ITPR2: variants seen among roughly 807,000 people sequenced by gnomAD.
ITPR2 encodes inositol 1,4,5-trisphosphate receptor type 2, also known as inositol 1,4,5-trisphosphate-gated calcium channel ITPR2.
ITPR2 carries 207 observed loss-of-function variants against 317.1 expected under a neutral mutation model. The ratio of observed to expected loss-of-function variants is 0.65; its 90% CI spans 0.58 to 0.73. The LOEUF is 0.73. Ranked by LOEUF, ITPR2 falls within the 30% of genes least tolerant of loss-of-function variation. ITPR2 has a pLI of 0.00. For synonymous variants in ITPR2, 1,156 were observed against 1,149.1 expected (o/e 1.01, Z -0.12); for missense variants, 2,613 against 3,284.0 (o/e 0.80, Z 4.99).
chr12:26,820,549 A>G (rs1023037469), intron 1 of ITPR2, among the ~76,000 whole-genome samples: 2 of 152,194 alleles, frequency 1.3e-5, no homozygotes, highest in African/African-American at 4.8e-5. Flanking sequence ...AACACAGGGT[A>G]AAGCACATAG....
intron 2 of ITPR2, among the ~76,000 whole-genome samples, chr12:26,778,248 C>T (rs1402206520): frequency 6.6e-6 from 1 of 152,174 alleles, no homozygotes; most frequent in African/African-American, 2.4e-5. Flanking sequence ...AAATCAAAAA[C>T]AATATTGCAA....
At chr12:26,629,452 T>C (rs531869672) in intron 22 of ITPR2, among the ~76,000 whole-genome samples, 45 of 152,130 alleles carry the variant, frequency 3.0e-4, no homozygotes, top group African/African-American at 8.9e-4. Flanking sequence ...CCAGGCATGG[T>C]GGTGCGTGCC....
chr12:26,393,551 T>C (rs1410694040), intron 54 of ITPR2, among the ~76,000 whole-genome samples: 1 of 152,228 alleles, frequency 6.6e-6, no homozygotes, highest in Non-Finnish European at 1.5e-5. Context: ...TGAAGCCAAT[T>C]ATTCATTTTT....
chr12:26,689,344 A>C (rs140004816), intron 10 of ITPR2, among the ~76,000 whole-genome samples: 1,534 of 152,248 alleles, frequency 0.01, 11 homozygotes, highest in Non-Finnish European at 0.013. Flanking sequence ...CTGAGCCCGG[A>C]GGTCGAGGCC....
chr12:26,685,384 C>T (rs7308446), intron 11 of ITPR2, among the ~76,000 whole-genome samples: 30,144 of 151,968 alleles, frequency 0.2, 3,782 homozygotes, highest in East Asian at 0.55. Context: ...TCCCTCGAGC[C>T]CAGGAGTTCA....
intron 1 of ITPR2, among the ~76,000 whole-genome samples, chr12:26,802,648 G>GATATACAGATAGAT (rs1950580073): frequency 7.5e-6 from 1 of 132,986 alleles, no homozygotes; most frequent in East Asian, 2.2e-4. Flanking sequence ...GATAGATATA[G>GATATACAGATAGAT]ATAGATATCT....
At chr12:26,451,951 T>C (rs927563295) in intron 45 of ITPR2, among the ~76,000 whole-genome samples, 8 of 152,204 alleles carry the variant, frequency 5.3e-5, no homozygotes, top group Non-Finnish European at 1.0e-4. Flanking sequence ...AAGCTAACTT[T>C]CCTACAGACT....
At chr12:26,801,458 G>A (rs1950554663) in intron 1 of ITPR2, among the ~76,000 whole-genome samples, 1 of 152,194 alleles carries the variant, frequency 6.6e-6, no homozygotes, top group African/African-American at 2.4e-5. Context: ...GATATGATAT[G>A]ATTGGCATTA....
intron 2 of ITPR2, among the ~76,000 whole-genome samples, chr12:26,752,144 T>C (rs2137106674): frequency 6.6e-6 from 1 of 152,352 alleles, no homozygotes; most frequent in Admixed American, 6.5e-5. Flanking sequence ...TTATTGTCTA[T>C]GCTAAGTTCC....
chr12:26,780,047 A>G (rs1950049370), intron 2 of ITPR2, among the ~76,000 whole-genome samples: 1 of 143,842 alleles, frequency 7.0e-6, no homozygotes, highest in African/African-American at 2.4e-5. Context: ...GACACCACTC[A>G]GCCTCTTTCC....
At chr12:26,525,722 A>G (rs375655564) in intron 37 of ITPR2, among the ~76,000 whole-genome samples, 1 of 152,086 alleles carries the variant, frequency 6.6e-6, no homozygotes, top group East Asian at 1.9e-4. Flanking sequence ...TTTTTCACTT[A>G]CCCTTGTTCT....
intron 11 of ITPR2, among the ~76,000 whole-genome samples, chr12:26,683,279 A>T (rs1948069852): frequency 1.3e-5 from 2 of 152,184 alleles, no homozygotes; most frequent in African/African-American, 4.8e-5. Flanking sequence ...TAAGTGGCCC[A>T]GTAGGCACAT....
chr12:26,589,020 A>G (rs1945615897), intron 32 of ITPR2, among the ~76,000 whole-genome samples: 1 of 152,196 alleles, frequency 6.6e-6, no homozygotes, highest in Non-Finnish European at 1.5e-5. Context: ...ACTATCAACA[A>G]CAATCAGTTA....
chr12:26,776,515 C>A (rs1052409376), intron 2 of ITPR2, among the ~76,000 whole-genome samples: 2 of 152,124 alleles, frequency 1.3e-5, no homozygotes, highest in African/African-American at 4.8e-5. Flanking sequence ...GCATGCACAG[C>A]CTTGCCAGAT....
At chr12:26,566,201 T>G (rs939864670) in intron 34 of ITPR2, among the ~76,000 whole-genome samples, 1,571 of 24,104 alleles carry the variant, frequency 0.065, no homozygotes, top group Non-Finnish European at 0.072. Flanking sequence ...GAGATGAGAG[T>G]GAGAGGAGGA....
chr12:26,694,672 C>T (rs564057427), intron 10 of ITPR2, among the ~76,000 whole-genome samples: 1 of 152,184 alleles, frequency 6.6e-6, no homozygotes, highest in Non-Finnish European at 1.5e-5. Flanking sequence ...TGGTTACTGA[C>T]AGCATTTTCC....
At chr12:26,548,980 T>C (rs971995422) in intron 37 of ITPR2, among the ~76,000 whole-genome samples, 2 of 152,200 alleles carry the variant, frequency 1.3e-5, no homozygotes, top group Non-Finnish European at 2.9e-5. Flanking sequence ...AGACTTGCCA[T>C]GTACCTCCTG....
chr12:26,567,961 T>TA (rs1345224917), intron 34 of ITPR2, among the ~76,000 whole-genome samples: 6 of 5,610 alleles, frequency 1.1e-3, no homozygotes, highest in African/African-American at 2.1e-3. Context: ...TATATATATA[T>TA]ATATATATTA....
At chr12:26,559,020 G>A (rs548469260) in intron 35 of ITPR2, among the ~76,000 whole-genome samples, 1 of 152,118 alleles carries the variant, frequency 6.6e-6, no homozygotes. Flanking sequence ...CATCCACCAA[G>A]TTCTATTAGT....
Sources: gnomAD v4.1 joint callset for allele counts (sites outside exome capture counted in the v4.1 genomes callset) on GRCh38, gnomAD v4.1.1 for gene constraint, MANE v1.5 for transcripts, NCBI Gene and HGNC (gene_info 2026-07-23, HGNC 2026-07-21) for gene names.